The following GSE1 variants were observed in gnomAD, a reference collection of about 807,000 sequenced individuals.
GSE1 encodes Gse1 coiled-coil protein.
In GSE1, 32 loss-of-function variants were observed where a neutral mutation model predicts 112.6. The ratio of observed to expected loss-of-function variants is 0.28; its 90% CI spans 0.21 to 0.38. The LOEUF is 0.38. Among genes scored for constraint, GSE1 ranks in the 10% least tolerant of loss-of-function variants. The pLI, the probability that GSE1 is intolerant of heterozygous loss-of-function variation, is 1.00. For synonymous variants in GSE1, 1,115 were observed against 735.6 expected (o/e 1.52, Z -8.35); for missense variants, 2,348 against 1,699.2 (o/e 1.38, Z -6.71).
chr16:85,238,110 T>G (rs1194606833), intron 1 of GSE1, among the ~76,000 whole-genome samples: 1 of 152,168 alleles, frequency 6.6e-6, no homozygotes, highest in Admixed American at 6.5e-5. Context: ...CCACATGGCC[T>G]GTGGTGCTGT....
chr16:85,313,217 G>T (rs1009892388), intron 1 of GSE1, among the ~76,000 whole-genome samples: 4 of 152,138 alleles, frequency 2.6e-5, no homozygotes, highest in African/African-American at 9.7e-5. Context: ...TGGACCGGGG[G>T]CAGCACCTGC....
At chr16:85,595,375 A>C (rs1396735439) in intron 1 of GSE1, 1 of 152,250 alleles carries the variant, frequency 6.6e-6, no homozygotes, top group Non-Finnish European at 1.5e-5. Flanking sequence ...TCAGTTTGAC[A>C]GACACAGCCT....
intron 1 of GSE1, among the ~76,000 whole-genome samples, chr16:85,256,543 A>G (rs538542208): frequency 1.3e-5 from 2 of 152,306 alleles, no homozygotes; most frequent in African/African-American, 4.8e-5. Context: ...TTCCTTGGCG[A>G]AGCTCCCACT....
chr16:85,288,164 C>T (rs1314137091), intron 1 of GSE1, among the ~76,000 whole-genome samples: 5 of 152,080 alleles, frequency 3.3e-5, no homozygotes, highest in Non-Finnish European at 5.9e-5. Context: ...CGTTTGACCC[C>T]GGGAGGCGGA....
At chr16:85,561,673 C>G (rs573614305) in intron 1 of GSE1, among the ~76,000 whole-genome samples, 1 of 152,232 alleles carries the variant, frequency 6.6e-6, no homozygotes, top group African/African-American at 2.4e-5. Context: ...AACATTTCCC[C>G]GGCCCCAGCT....
intron 2 of GSE1, among the ~76,000 whole-genome samples, chr16:85,360,578 C>T (rs998201188): frequency 2.0e-5 from 3 of 152,118 alleles, no homozygotes; most frequent in Non-Finnish European, 4.4e-5. Flanking sequence ...ATCCGGCAGG[C>T]GGGCGGGCGC....
At chr16:85,280,991 T>G (rs563499384) in intron 1 of GSE1, among the ~76,000 whole-genome samples, 1 of 152,250 alleles carries the variant, frequency 6.6e-6, no homozygotes, top group African/African-American at 2.4e-5. Flanking sequence ...CCTGGGCCGG[T>G]CAGAGCTGCC....
chr16:85,666,504 T>C (rs1397838918), intron 13 of GSE1, 157 bp downstream of exon 13: 4 of 690,652 alleles, frequency 5.8e-6, no homozygotes, highest in Non-Finnish European at 4.8e-6. Context: ...GCCAAAACCA[T>C]GTTTGTTTGT....
At chr16:85,659,225 G>T (rs1386504383) in intron 8 of GSE1, among the ~76,000 whole-genome samples, 8 of 152,158 alleles carry the variant, frequency 5.3e-5, no homozygotes, top group Non-Finnish European at 1.0e-4. Flanking sequence ...TGTTTAAACA[G>T]GGCTCCCGGG....
intron 2 of GSE1, among the ~76,000 whole-genome samples, chr16:85,357,990 G>A (rs2046986915): frequency 6.6e-6 from 1 of 152,128 alleles, no homozygotes; most frequent in Non-Finnish European, 1.5e-5. Context: ...AGAGGGGGTC[G>A]TTTCTTGGTT....
intron 2 of GSE1, among the ~76,000 whole-genome samples, chr16:85,361,400 G>GACAC (rs150498593): frequency 6.8e-6 from 1 of 146,580 alleles, no homozygotes; most frequent in East Asian, 2.0e-4. Flanking sequence ...CAAACACACA[G>GACAC]ACACACACAC....
chr16:85,586,556 C>A (rs2046704122), intron 1 of GSE1, among the ~76,000 whole-genome samples: 1 of 152,244 alleles, frequency 6.6e-6, no homozygotes, highest in Non-Finnish European at 1.5e-5. Context: ...AGCCGGGCCA[C>A]ACCAGCTGTC....
At chr16:85,614,283 C>A (rs1012188580) in intron 1 of GSE1, among the ~76,000 whole-genome samples, 1 of 152,106 alleles carries the variant, frequency 6.6e-6, no homozygotes, top group African/African-American at 2.4e-5. Flanking sequence ...CGAGTGGAGC[C>A]GATTCAATTA....
chr16:85,648,683 ACC>A lies in GSE1; in HGVS notation c.365_366del (p.Pro122ArgfsTer17). ...VPPGGHSVPS[T>X]PPVVTIAPTK... ...CCCTGGGGGCCACAGCGTGCCCAGCACCCCCCCCGTGGTGACCATCGCTCCAA... is the reference window on the plus strand; with the variant it reads ...CCCTGGGGGCCACAGCGTGCCCAGCACCCCCCGTGGTGACCATCGCTCCAA... On this transcript the variant is annotated frameshift_variant, in exon 3 of 16. Coordinates refer to ENST00000253458, the MANE Select transcript of GSE1 (RefSeq NM_014615.5). LOFTEE classifies it high-confidence loss of function. 1 of 1,585,560 alleles carries A rather than the reference ACC, an allele frequency of 6.3e-7. No homozygotes were observed. Among genetic ancestry groups the A allele is most frequent in the Non-Finnish European group, 8.6e-7 (1 of 1,162,760 alleles).
At chr16:85,249,237 C>T (rs1567638323) in intron 1 of GSE1, among the ~76,000 whole-genome samples, 1 of 152,246 alleles carries the variant, frequency 6.6e-6, no homozygotes, top group African/African-American at 2.4e-5. Context: ...ACCCAGCCAG[C>T]AGGAATGAAG....
chr16:85,327,563 A>G (rs780925125), intron 1 of GSE1, among the ~76,000 whole-genome samples: 4 of 152,134 alleles, frequency 2.6e-5, no homozygotes, highest in Non-Finnish European at 4.4e-5. Flanking sequence ...AGATCGCACC[A>G]CTGCACTCCA....
chr16:85,623,420 C>G (rs1472344079), intron 1 of GSE1, among the ~76,000 whole-genome samples: 1 of 152,136 alleles, frequency 6.6e-6, no homozygotes, highest in Non-Finnish European at 1.5e-5. Context: ...ATGGTACTGA[C>G]AGGGAAACTG....
chr16:85,473,115 G>T (rs763400307), intron 2 of GSE1, among the ~76,000 whole-genome samples: 2 of 152,262 alleles, frequency 1.3e-5, no homozygotes, highest in African/African-American at 4.8e-5. Flanking sequence ...AGATCAGCAG[G>T]AAGCGGGAGG....
intron 1 of GSE1, among the ~76,000 whole-genome samples, chr16:85,337,314 T>TC: frequency 6.7e-6 from 1 of 149,408 alleles, no homozygotes; most frequent in East Asian, 1.9e-4. Context: ...TTTCTTTTTT[T>TC]TTTTTTTTTG....
Sources: gnomAD v4.1 joint callset for allele counts (sites outside exome capture counted in the v4.1 genomes callset) on GRCh38, gnomAD v4.1.1 for gene constraint, MANE v1.5 for transcripts, NCBI Gene and HGNC (gene_info 2026-07-23, HGNC 2026-07-21) for gene names.